The following BRINP1 variants were observed in gnomAD, a reference collection of about 807,000 sequenced individuals.
BRINP1 encodes BMP/retinoic acid inducible neural specific 1, also known as BMP/retinoic acid-inducible neural-specific protein 1.
In BRINP1, 17 loss-of-function variants were observed where a neutral mutation model predicts 72.9. That is an observed-to-expected ratio of 0.23 (90% CI 0.16 to 0.35). BRINP1 has a LOEUF of 0.35. BRINP1 is among the 10% of genes least tolerant of loss of function. The pLI is 1.00. For missense variants in BRINP1, 850 were observed against 1,001.6 expected (o/e 0.85, Z 2.04); for synonymous variants, 418 against 378.5 (o/e 1.10, Z -1.21).
intron 7 of BRINP1, among the ~76,000 whole-genome samples, chr9:119,194,896 A>G (rs1829720098): frequency 6.6e-6 from 1 of 152,204 alleles, no homozygotes; most frequent in South Asian, 2.1e-4. Context: ...ACTATAACAT[A>G]ATAAATCTAC....
intron 1 of BRINP1, among the ~76,000 whole-genome samples, chr9:119,318,369 T>C (rs180911101): frequency 6.6e-6 from 1 of 152,336 alleles, no homozygotes; most frequent in African/African-American, 2.4e-5. Flanking sequence ...TGTGATTTAT[T>C]GCCCAGTTGG....
At chr9:119,333,028 G>A (rs1831314884) in intron 1 of BRINP1, among the ~76,000 whole-genome samples, 1 of 151,976 alleles carries the variant, frequency 6.6e-6, no homozygotes, top group Non-Finnish European at 1.5e-5. Flanking sequence ...CCAAAGTTGG[G>A]ATTTGATGCT....
intron 2 of BRINP1, among the ~76,000 whole-genome samples, chr9:119,267,088 C>A (rs1455229256): frequency 6.6e-6 from 1 of 152,190 alleles, no homozygotes; most frequent in Non-Finnish European, 1.5e-5. Context: ...ACCAGGAATG[C>A]ATTTTCTTTT....
intron 5 of BRINP1, among the ~76,000 whole-genome samples, chr9:119,223,035 T>C (rs988644262): frequency 4.6e-5 from 7 of 152,022 alleles, no homozygotes; most frequent in Non-Finnish European, 7.4e-5. Context: ...TTTTTCTTGT[T>C]ATATCCTGCC....
chr9:119,259,402 G>A (rs773434608), intron 2 of BRINP1, among the ~76,000 whole-genome samples: 11 of 152,196 alleles, frequency 7.2e-5, no homozygotes, highest in African/African-American at 1.9e-4. Flanking sequence ...GCGGCAAGGC[G>A]TTCTAAAAGG....
At chr9:119,199,474 C>A (rs937584613) in intron 7 of BRINP1, among the ~76,000 whole-genome samples, 1 of 152,106 alleles carries the variant, frequency 6.6e-6, no homozygotes, top group Non-Finnish European at 1.5e-5. Context: ...GTTGATGCCC[C>A]CAAGAGATTT....
At chr9:119,333,518 A>T (rs548626034) in intron 1 of BRINP1, among the ~76,000 whole-genome samples, 1 of 152,194 alleles carries the variant, frequency 6.6e-6, no homozygotes, top group Non-Finnish European at 1.5e-5. Flanking sequence ...CAAATAAAAA[A>T]AAATAAATTT....
intron 7 of BRINP1, among the ~76,000 whole-genome samples, chr9:119,206,521 T>A (rs962828238): frequency 6.2e-5 from 9 of 146,318 alleles, no homozygotes; most frequent in Non-Finnish European, 1.0e-4. Flanking sequence ...AAAACAACCA[T>A]CCACAAGCCA....
In BRINP1 at chr9:119,268,277, T is replaced by TAGAC. The variant is rs1362977407; in HGVS notation, c.219-19128_219-19127insGTCT. The stretch of plus-strand genomic sequence containing the variant: ...ATAGATAGATAGATAGATAGATAGA[T>TAGAC]AGATAGATAGATAGATAGATAGATA... On this transcript the variant is annotated intron_variant, in intron 2 of 7. Coordinates refer to ENST00000265922, the MANE Select transcript of BRINP1 (RefSeq NM_014618.3). Among the ~76,000 whole-genome samples, 367 of 148,992 alleles carry TAGAC rather than the reference T, an allele frequency of 2.5e-3. 3 individuals carry two copies. Among genetic ancestry groups the TAGAC allele is most frequent in the Non-Finnish European group, 3.5e-3 (238 of 67,092 alleles).
At position 119,367,336 on chromosome 9, in the gene BRINP1, T is replaced by C. The variant is rs543515113; in HGVS notation, c.-51+1720A>G. Among the ~76,000 whole-genome samples, 26 of 151,664 alleles carry C rather than the reference T, an allele frequency of 1.7e-4. No individual in the cohort carries two copies. The Middle Eastern group carries it at 0.014, about 79-fold the overall frequency. ...TTTCAGCGGCCCCTCCGTGCTGAGC[T>C]AGACAAGAGGCTGTGTCCCAGCGTC... On this transcript the variant is annotated intron_variant, in intron 1 of 7. Transcript: ENST00000265922.
chr9:119,351,834 TG>T (rs1035489962), intron 1 of BRINP1, among the ~76,000 whole-genome samples: 1 of 151,946 alleles, frequency 6.6e-6, no homozygotes, highest in Non-Finnish European at 1.5e-5. Context: ...TTTTTATTTT[TG>T]GGACAGAGTC....
intron 2 of BRINP1, among the ~76,000 whole-genome samples, chr9:119,249,367 A>C (rs1588177229): frequency 6.6e-6 from 1 of 152,318 alleles, no homozygotes; most frequent in Admixed American, 6.5e-5. Context: ...GAACTAGATA[A>C]ACAATATCAT....
At position 119,363,341 on chromosome 9, in the gene BRINP1, A is replaced by T. The variant is rs144015552; in HGVS notation, c.-51+5715T>A. Among the ~76,000 whole-genome samples the T allele has an allele frequency of 7.8e-3, 1,178 of 151,996 alleles. 20 individuals carry two copies. The highest frequency in any genetic ancestry group is 0.026 in the African/African-American group (1,092 of 41,450). ...GGTCTCAAACACCTGGGCTCAAGCG[A>T]TCCTCCCACCTCAGCCTCCTAAAGT... is the stretch of plus-strand genomic sequence containing the variant. On this transcript the variant is annotated intron_variant, in intron 1 of 7. Transcript: ENST00000265922.
chr9:119,184,205 T>C (rs1178592434), intron 7 of BRINP1, among the ~76,000 whole-genome samples: 4 of 152,150 alleles, frequency 2.6e-5, no homozygotes, highest in Non-Finnish European at 5.9e-5. Flanking sequence ...ATAACAAGCA[T>C]GGGTGCAAAT....
intron 5 of BRINP1, among the ~76,000 whole-genome samples, chr9:119,223,821 C>T (rs537967544): frequency 7.9e-5 from 12 of 152,098 alleles, no homozygotes; most frequent in Admixed American, 5.9e-4. Flanking sequence ...TAGTTACAGA[C>T]ATGTGCTCAG....
chr9:119,306,637 C>G (rs1325775932), intron 2 of BRINP1, among the ~76,000 whole-genome samples: 2 of 152,146 alleles, frequency 1.3e-5, no homozygotes, highest in African/African-American at 4.8e-5. Flanking sequence ...TATATCTGGA[C>G]CTAACAATGG....
rs547138561 is a variant in BRINP1, at chr9:119,214,222, A to C, written c.686-67T>G. 2.5e-5 allele frequency: 30 copies of C among 1,191,716 alleles called. 1 individual carries two copies. Among genetic ancestry groups the C allele is most frequent in the Middle Eastern group, 2.0e-4 (1 of 5,110 alleles). The allele number at this position is 1,191,716 out of a possible 1,614,324, so 73.8% of individuals were successfully genotyped here. A position where few individuals can be genotyped will look rare whatever the true frequency, so the allele number is the denominator to read the frequency against. ...AAAAGGTGTTTCATTAACAATTTCCAAAGGTGATACATAGGAATCTGAAGC... is the reference window on the plus strand; with the variant it reads ...AAAAGGTGTTTCATTAACAATTTCCCAAGGTGATACATAGGAATCTGAAGC... On this transcript the variant is annotated intron_variant, in intron 5 of 7. Coordinates refer to ENST00000265922, the MANE Select transcript of BRINP1 (RefSeq NM_014618.3).
intron 1 of BRINP1, among the ~76,000 whole-genome samples, chr9:119,324,981 T>C (rs905461745): frequency 9.2e-5 from 14 of 151,972 alleles, no homozygotes; most frequent in African/African-American, 3.4e-4. Flanking sequence ...ATGCCTGTAA[T>C]CCCAGCTACT....
At chr9:119,284,497 T>C (rs1830741411) in intron 2 of BRINP1, among the ~76,000 whole-genome samples, 1 of 152,158 alleles carries the variant, frequency 6.6e-6, no homozygotes, top group African/African-American at 2.4e-5. Flanking sequence ...AAGGCTCAAA[T>C]GAGATAATGG....
Sources: gnomAD v4.1 joint callset for allele counts (sites outside exome capture counted in the v4.1 genomes callset) on GRCh38, gnomAD v4.1.1 for gene constraint, MANE v1.5 for transcripts, NCBI Gene and HGNC (gene_info 2026-07-23, HGNC 2026-07-21) for gene names.